CAMK1D: variants seen among roughly 807,000 people sequenced by gnomAD.
CAMK1D encodes calcium/calmodulin-dependent protein kinase type 1D.
CAMK1D carries 9 observed loss-of-function variants against 47.7 expected under a neutral mutation model. The ratio of observed to expected loss-of-function variants is 0.19; its 90% confidence interval spans 0.11 to 0.33. The LOEUF is 0.33. CAMK1D is among the 10% of genes least tolerant of loss of function. CAMK1D has a pLI of 1.00. For synonymous variants in CAMK1D, 184 were observed against 184.9 expected, an observed-to-expected ratio of 0.99 and a Z score of 0.04; for missense variants, 291 against 488.7, an observed-to-expected ratio of 0.60 and a Z score of 3.81.
chr10:12,415,172 A>G (rs1407251479), intron 1 of CAMK1D, among the ~76,000 whole-genome samples: 3 of 151,746 alleles, frequency 2.0e-5, no homozygotes, highest in Admixed American at 1.3e-4. Context: ...TTTCCAGTCT[A>G]TTAATATCAC....
chr10:12,723,500 G>A (rs1834485378), intron 3 of CAMK1D, among the ~76,000 whole-genome samples: 1 of 152,142 alleles, frequency 6.6e-6, no homozygotes, highest in Non-Finnish European at 1.5e-5. Context: ...AAATACCGCA[G>A]TAGTATTGAT....
chr10:12,352,475 G>T (rs1164793383), intron 1 of CAMK1D, among the ~76,000 whole-genome samples: 2 of 151,842 alleles, frequency 1.3e-5, no homozygotes, highest in Non-Finnish European at 2.9e-5. Context: ...CGGGTGTGGT[G>T]GTGTGTGCCT....
At position 12,415,442 on chromosome 10, in the gene CAMK1D, C is replaced by T. The variant is rs543377135; in HGVS notation, c.92+65532C>T. On this transcript the variant is annotated intron_variant, in intron 1 of 10. Transcript: ENST00000619168. ...TAGCTGGCATTACAGGCACCCACCA[C>T]CACGCCTGGCTAATTTTTTTTTTTT... Among the ~76,000 whole-genome samples the T allele has an allele frequency of 6.7e-5, 10 of 148,572 alleles. No individual in the cohort carries two copies. In the East Asian group the frequency reaches 2.0e-3, roughly 30 times the overall value.
At chr10:12,745,035 C>A (rs995037654) in intron 3 of CAMK1D, among the ~76,000 whole-genome samples, 4 of 152,362 alleles carry the variant, frequency 2.6e-5, no homozygotes, top group African/African-American at 9.6e-5. Flanking sequence ...TGGGGATGTC[C>A]ATTCTGGACT....
At chr10:12,685,043 C>T (rs949648058) in intron 3 of CAMK1D, among the ~76,000 whole-genome samples, 3 of 150,030 alleles carry the variant, frequency 2.0e-5, no homozygotes, top group Non-Finnish European at 2.9e-5. Flanking sequence ...GGCGCGGTGG[C>T]TCACGCCAAC....
At chr10:12,758,442 A>G (rs72773606) in intron 3 of CAMK1D, among the ~76,000 whole-genome samples, 2,819 of 152,254 alleles carry the variant, frequency 0.019, 40 homozygotes, top group Non-Finnish European at 0.025. Flanking sequence ...CTCGGTTTCT[A>G]AGGAGACCAG....
intron 2 of CAMK1D, among the ~76,000 whole-genome samples, chr10:12,566,375 G>T (rs971051019): frequency 2.0e-5 from 3 of 152,134 alleles, no homozygotes; most frequent in African/African-American, 7.2e-5. Flanking sequence ...TCTTCCAGGG[G>T]TGAGGCTGCT....
chr10:12,637,250 G>A (rs1206917180), intron 2 of CAMK1D, among the ~76,000 whole-genome samples: 1 of 152,178 alleles, frequency 6.6e-6, no homozygotes, highest in Admixed American at 6.5e-5. Flanking sequence ...GGGATTACAG[G>A]TGTGAGCCAC....
At chr10:12,817,254 C>T (rs1588963524) in intron 8 of CAMK1D, among the ~76,000 whole-genome samples, 2 of 152,210 alleles carry the variant, frequency 1.3e-5, no homozygotes, top group Admixed American at 6.5e-5. Context: ...TTTTGCATTT[C>T]ATAGAAAGTC....
At chr10:12,559,543 G>A (rs1056657116) in intron 2 of CAMK1D, among the ~76,000 whole-genome samples, 4 of 152,168 alleles carry the variant, frequency 2.6e-5, no homozygotes, top group African/African-American at 9.7e-5. Flanking sequence ...GTGTACAGAT[G>A]TGTCCGCAGG....
chr10:12,463,517 T>C (rs1833498950), intron 1 of CAMK1D, among the ~76,000 whole-genome samples: 1 of 152,220 alleles, frequency 6.6e-6, no homozygotes. Context: ...TTAGTAAATT[T>C]GGTGGTTTGT....
Position 12,718,306 on chromosome 10 carries a change from G to GA in CAMK1D, c.300-42636dup, listed in dbSNP as rs142023356. ...CTATTTGGTTTCTTTTAAGCAGGTA[G>GA]AAAAAATACCAGAATTACCACTCAC... is the stretch of plus-strand genomic sequence containing the variant. On this transcript the variant is annotated intron_variant, in intron 3 of 10. Coordinates refer to ENST00000619168, the MANE Select transcript of CAMK1D (RefSeq NM_153498.4). 6.4e-3 allele frequency among the ~76,000 whole-genome samples: 969 copies of GA among 152,262 alleles called. 7 individuals carry two copies. Among genetic ancestry groups the GA allele is most frequent in the African/African-American group, 0.021 (885 of 41,542 alleles).
intron 2 of CAMK1D, among the ~76,000 whole-genome samples, chr10:12,637,818 TGGAG>T (rs778135066): frequency 2.6e-4 from 39 of 152,160 alleles, no homozygotes; most frequent in Non-Finnish European, 4.0e-4. Context: ...AACCATATGG[TGGAG>T]AAGGGAAGGA....
chr10:12,759,219 C>A (rs1010881077), intron 3 of CAMK1D, among the ~76,000 whole-genome samples: 1 of 152,124 alleles, frequency 6.6e-6, no homozygotes, highest in Non-Finnish European at 1.5e-5. Context: ...TGTGGTGGCA[C>A]GTACCTGTGG....
chr10:12,493,906 C>T (rs967282556), intron 1 of CAMK1D, among the ~76,000 whole-genome samples: 1 of 152,136 alleles, frequency 6.6e-6, no homozygotes, highest in African/African-American at 2.4e-5. Context: ...TCCTCTCACC[C>T]GAGATTTAGA....
chr10:12,484,781 G>T (rs929250298), intron 1 of CAMK1D, among the ~76,000 whole-genome samples: 1 of 151,086 alleles, frequency 6.6e-6, no homozygotes, highest in Non-Finnish European at 1.5e-5. Flanking sequence ...TGTGACTCCA[G>T]TGGAGAGGCC....
intron 1 of CAMK1D, among the ~76,000 whole-genome samples, chr10:12,356,174 G>A (rs1205914864): frequency 6.6e-6 from 1 of 151,808 alleles, no homozygotes; most frequent in Admixed American, 6.6e-5. Context: ...ACCTCCCAAA[G>A]TGCTGGGATT....
intron 6 of CAMK1D, among the ~76,000 whole-genome samples, chr10:12,793,880 G>T (rs1838084825): frequency 2.0e-5 from 3 of 152,226 alleles, no homozygotes; most frequent in Admixed American, 1.3e-4. Context: ...TGGAAAGAGG[G>T]CCAGCATGGC....
chr10:12,460,302 C>T (rs1833385864), intron 1 of CAMK1D, among the ~76,000 whole-genome samples: 1 of 151,310 alleles, frequency 6.6e-6, no homozygotes, highest in Admixed American at 6.6e-5. Flanking sequence ...ACTTTCTTGC[C>T]CAGTCTGGAG....
Sources: allele counts gnomAD v4.1 joint callset (sites outside exome capture counted in the v4.1 genomes callset), GRCh38; gene constraint gnomAD v4.1.1; transcripts MANE v1.5; gene names NCBI Gene and HGNC (gene_info 2026-07-23, HGNC 2026-07-21).